RBFOX1: variants seen among roughly 807,000 people sequenced by gnomAD.
RBFOX1 encodes the protein RNA binding fox-1 homolog 1.
RBFOX1 carries 8 observed loss-of-function variants against 57.7 expected under a neutral mutation model. That is an observed-to-expected ratio of 0.14 (90% CI 0.08 to 0.25). RBFOX1 has a LOEUF of 0.25. Ranked by LOEUF, RBFOX1 falls within the 10% of genes least tolerant of loss-of-function variation. RBFOX1 has a pLI of 1.00. For synonymous variants in RBFOX1, 326 were observed against 222.4 expected, an observed-to-expected ratio of 1.47 and a Z score of -4.15; for missense variants, 611 against 548.5, an observed-to-expected ratio of 1.11 and a Z score of -1.14.
At chr16:5,784,097 C>T (rs1315334634) in intron 3 of RBFOX1, among the ~76,000 whole-genome samples, 1 of 152,132 alleles carries the variant, frequency 6.6e-6, no homozygotes. Flanking sequence ...AGGGAGGCCT[C>T]AGGAAACCTA....
intron 3 of RBFOX1, among the ~76,000 whole-genome samples, chr16:6,733,977 A>C (rs906821148): frequency 6.6e-6 from 1 of 152,162 alleles, no homozygotes; most frequent in Non-Finnish European, 1.5e-5. Context: ...ATAAAGACAA[A>C]GTTTATAGGA....
chr16:7,607,469 C>A (rs762011846), intron 10 of RBFOX1, 131 bp downstream of exon 10: 7 of 864,962 alleles, frequency 8.1e-6, no homozygotes, highest in Non-Finnish European at 5.6e-6. Context: ...TGAATGATTT[C>A]TTTGGGCAAA....
intron 3 of RBFOX1, among the ~76,000 whole-genome samples, chr16:5,820,090 A>G (rs1333034346): frequency 6.6e-6 from 1 of 152,146 alleles, no homozygotes; most frequent in Non-Finnish European, 1.5e-5. Flanking sequence ...TCTGCACTAT[A>G]AATGCACTTT....
chr16:5,446,498 G>T (rs2068243006), intron 1 of RBFOX1, among the ~76,000 whole-genome samples: 1 of 151,928 alleles, frequency 6.6e-6, no homozygotes, highest in Non-Finnish European at 1.5e-5. Flanking sequence ...CTCCCTAAAT[G>T]GTCCTCTGGA....
In RBFOX1 at chr16:5,501,653, G is replaced by A. The variant is rs768799917; in HGVS notation, c.258+34399G>A. ...CTCAAATATTAAATGAGATGATGCC[G>A]TCAAATCTCCAAACACAGTTCATGG... On this transcript the variant is annotated intron_variant, in intron 2 of 2. Transcript: ENST00000585867. Among the ~76,000 whole-genome samples the A allele has an allele frequency of 1.6e-4, 24 of 152,272 alleles. No individual in the cohort carries two copies. In the East Asian group the frequency reaches 1.9e-3, roughly 12 times the overall value.
chr16:7,134,551 C>G (rs1447867062), intron 4 of RBFOX1, among the ~76,000 whole-genome samples: 2 of 152,142 alleles, frequency 1.3e-5, no homozygotes, highest in Admixed American at 6.5e-5. Flanking sequence ...TTCACAGTTT[C>G]CAAATTGCTA....
In RBFOX1 at chr16:6,677,941, C is replaced by T. The variant is rs150591501; in HGVS notation, c.-16+23291C>T. Among the ~76,000 whole-genome samples the T allele has an allele frequency of 5.0e-3, 766 of 152,252 alleles. 9 individuals carry two copies. The highest frequency in any genetic ancestry group is 0.016 in the African/African-American group (654 of 41,532). ...TTAATCAGTAAGGAACCATAAAGAA[C>T]ATCTAACCTAGTACCGCCTAATAGA... On this transcript the variant is annotated intron_variant, in intron 3 of 15. Transcript: ENST00000550418.
intron 3 of RBFOX1, among the ~76,000 whole-genome samples, chr16:6,863,308 G>A (rs569020749): frequency 2.6e-5 from 4 of 152,022 alleles, no homozygotes; most frequent in African/African-American, 9.7e-5. Context: ...AGCAGCAAAT[G>A]GTCAAGATGA....
intron 2 of RBFOX1, among the ~76,000 whole-genome samples, chr16:6,599,903 C>G (rs2097828968): frequency 6.6e-6 from 1 of 152,218 alleles, no homozygotes; most frequent in South Asian, 2.1e-4. Flanking sequence ...AGTAAATATT[C>G]TGTCAGTGGT....
intron 1 of RBFOX1, among the ~76,000 whole-genome samples, chr16:6,042,644 G>A (rs2095450376): frequency 6.6e-6 from 1 of 152,174 alleles, no homozygotes; most frequent in Admixed American, 6.5e-5. Context: ...CGATATGAGT[G>A]ACCATGGCCT....
intron 2 of RBFOX1, among the ~76,000 whole-genome samples, chr16:6,371,400 C>T (rs1600225573): frequency 6.6e-6 from 1 of 152,106 alleles, no homozygotes; most frequent in East Asian, 1.9e-4. Context: ...AGTATAAAGT[C>T]ATGGATTCGT....
intron 5 of RBFOX1, among the ~76,000 whole-genome samples, chr16:7,553,298 C>A (rs1325871755): frequency 6.6e-6 from 1 of 152,064 alleles, no homozygotes; most frequent in Non-Finnish European, 1.5e-5. Flanking sequence ...GTGCCCACCA[C>A]CACACCCCCT....
intron 3 of RBFOX1, among the ~76,000 whole-genome samples, chr16:5,715,449 T>G (rs1236721051): frequency 6.6e-6 from 1 of 152,230 alleles, no homozygotes; most frequent in Non-Finnish European, 1.5e-5. Context: ...TATCTCAAAC[T>G]CGAAATATCT....
chr16:6,828,443 G>A (rs888617556), intron 3 of RBFOX1, among the ~76,000 whole-genome samples: 2 of 151,838 alleles, frequency 1.3e-5, no homozygotes, highest in Admixed American at 6.6e-5. Context: ...AGAATCACTT[G>A]AACCCAGGAG....
intron 3 of RBFOX1, among the ~76,000 whole-genome samples, chr16:6,786,664 A>G (rs1031310014): frequency 1.3e-5 from 2 of 152,164 alleles, no homozygotes; most frequent in Admixed American, 6.5e-5. Context: ...TTAGAGGTCA[A>G]GTAGGTCAAC....
At chr16:5,856,576 T>TGTGTGTGTATGTATGTATATGTAC (rs1491524909) in intron 3 of RBFOX1, among the ~76,000 whole-genome samples, 1 of 28,606 alleles carries the variant, frequency 3.5e-5, no homozygotes, top group African/African-American at 1.3e-4. Context: ...TGTGTGTGTG[T>TGTGTGTGTATGTATGTATATGTAC]ATATATATAT....
intron 2 of RBFOX1, among the ~76,000 whole-genome samples, chr16:6,450,861 A>ATATATG (rs2094603771): frequency 2.2e-5 from 2 of 91,970 alleles, no homozygotes; most frequent in African/African-American, 8.2e-5. Context: ...ATATATATAT[A>ATATATG]TATATATATA....
intron 3 of RBFOX1, among the ~76,000 whole-genome samples, chr16:6,764,644 G>A (rs758666905): frequency 1.3e-5 from 2 of 152,092 alleles, no homozygotes; most frequent in Non-Finnish European, 2.9e-5. Context: ...ATTATTAAGA[G>A]TAAATGCATG....
intron 3 of RBFOX1, among the ~76,000 whole-genome samples, chr16:6,950,082 G>C (rs922124159): frequency 6.7e-6 from 1 of 149,680 alleles, no homozygotes; most frequent in African/African-American, 2.5e-5. Flanking sequence ...GAGTAGCTAG[G>C]ATTATAGGCA....
Sources: allele counts gnomAD v4.1 joint callset (sites outside exome capture counted in the v4.1 genomes callset), GRCh38; gene constraint gnomAD v4.1.1; transcripts MANE v1.5; gene names NCBI Gene and HGNC (gene_info 2026-07-23, HGNC 2026-07-21).